Variants in NOS1 observed in about 807,000 individuals in gnomAD.
NOS1 encodes the protein nitric oxide synthase 1.
In NOS1, 51 loss-of-function variants were observed where a neutral mutation model predicts 164.5. That is an observed-to-expected ratio of 0.31 (90% CI 0.25 to 0.39). The LOEUF (loss-of-function observed/expected upper bound fraction) is 0.39. Among genes scored for constraint, NOS1 ranks in the 10% least tolerant of loss-of-function variants. The probability of loss-of-function intolerance (pLI) is 1.00; values close to 1 mark genes in which losing one functional copy is unlikely to be tolerated. For missense variants in NOS1, 1,362 were observed against 1,885.6 expected (o/e 0.72, Z 5.14); for synonymous variants, 719 against 745.8 (o/e 0.96, Z 0.59).
intron 26 of NOS1, 33 bp from the exon 27 acceptor site, chr12:117,220,302 G>A: frequency 6.4e-7 from 1 of 1,566,282 alleles, no homozygotes; most frequent in Non-Finnish European, 8.6e-7. Flanking sequence ...AGAAGGGGCT[G>A]GGCTGTGCAA....
rs1227805436 is a variant in NOS1 at position 117,260,504 on chromosome 12, C to T, written c.2328G>A (p.Lys776=). Residue 776 remains lysine (K), a synonymous_variant, in exon 14 of 29, where the codon AAG becomes AAA. Coordinates refer to ENST00000317775, the MANE Select transcript of NOS1 (RefSeq NM_000620.5). ...CGTGTTTGAAGATCTCACACAAGGT[C>T]TTGGCATAAGCTTGCGATTTGCCTG... ...TETGKSQAYA[K]TLCEIFKHAF... The T allele has an allele frequency of 6.2e-7, 1 of 1,614,038 alleles. No homozygotes were observed. The highest frequency in any genetic ancestry group is 8.5e-7 in the Non-Finnish European group (1 of 1,180,020).
chr12:117,236,545 C>T (rs2135946049), intron 20 of NOS1, among the ~76,000 whole-genome samples: 1 of 152,300 alleles, frequency 6.6e-6, no homozygotes, highest in East Asian at 1.9e-4. Flanking sequence ...CTTGCCCTGT[C>T]TGGGAACTTG....
chr12:117,360,494 A>G (rs1261847370), intron 1 of NOS1, among the ~76,000 whole-genome samples: 3 of 152,216 alleles, frequency 2.0e-5, no homozygotes, highest in Non-Finnish European at 4.4e-5. Context: ...CGGGAGAAGC[A>G]CAACTTTCCC....
chr12:117,314,653 C>G (rs899983362), intron 2 of NOS1, among the ~76,000 whole-genome samples: 1 of 152,142 alleles, frequency 6.6e-6, no homozygotes, highest in Non-Finnish European at 1.5e-5. Context: ...ATCACCCAGG[C>G]GGGAGTGCAG....
intron 3 of NOS1, among the ~76,000 whole-genome samples, chr12:117,297,487 G>A (rs1456367188): frequency 6.6e-6 from 1 of 152,156 alleles, no homozygotes; most frequent in East Asian, 1.9e-4. Flanking sequence ...TGCCTCATGG[G>A]TTCAAATGAT....
chr12:117,298,276 C>T (rs754255882), intron 3 of NOS1, among the ~76,000 whole-genome samples: 21 of 152,034 alleles, frequency 1.4e-4, no homozygotes, highest in African/African-American at 2.7e-4. Flanking sequence ...CAGTAGGGTA[C>T]GAGCTCCTAT....
At chr12:117,258,584 G>T in intron 15 of NOS1, 129 bp from the exon 16 acceptor site, 2 of 882,248 alleles carry the variant, frequency 2.3e-6, no homozygotes, top group East Asian at 2.6e-5. Context: ...TGTCAGGAGC[G>T]GTCAGGGGCT....
At chr12:117,265,869 C>T (rs1164696142) in intron 11 of NOS1, among the ~76,000 whole-genome samples, 2 of 151,938 alleles carry the variant, frequency 1.3e-5, no homozygotes, top group African/African-American at 4.8e-5. Context: ...TGGCTCACTG[C>T]AAGCTCTGCC....
intron 17 of NOS1, among the ~76,000 whole-genome samples, chr12:117,251,402 A>G (rs1198338678): frequency 6.6e-6 from 1 of 152,074 alleles, no homozygotes; most frequent in Non-Finnish European, 1.5e-5. Context: ...CTGAGGACCT[A>G]GACTACAGTT....
chr12:117,255,799 C>T (rs1181530884), intron 16 of NOS1: 2 of 439,256 alleles, frequency 4.6e-6, no homozygotes, highest in East Asian at 3.6e-5. Context: ...CTCAAGGTCA[C>T]TTAGTGAGTT....
intron 17 of NOS1, among the ~76,000 whole-genome samples, chr12:117,250,405 T>C (rs1288921037): frequency 1.3e-5 from 2 of 151,142 alleles, no homozygotes; most frequent in East Asian, 3.9e-4. Context: ...CTTGGCTCAC[T>C]GCAGCCTCTG....
chr12:117,328,785 G>A (rs1875387817), intron 2 of NOS1, among the ~76,000 whole-genome samples: 1 of 152,208 alleles, frequency 6.6e-6, no homozygotes, highest in Non-Finnish European at 1.5e-5. Flanking sequence ...AGACGGTCAT[G>A]CATCGCTTAA....
Position 117,311,495 on chromosome 12 carries a change from GGAC to G in NOS1, c.820_822del (p.Val274del). 6.2e-7 allele frequency: 1 copy of G among 1,611,564 alleles called. No homozygotes were observed. ...TCCTTCTCTGAATATGGGTTGTTGA[GGAC>G]GACAGGCACATTGCCCTTCCCCCAT... On this transcript the variant is annotated inframe_deletion, in exon 3 of 29. Transcript: ENST00000317775.
intron 18 of NOS1, among the ~76,000 whole-genome samples, chr12:117,244,991 A>T (rs1870507994): frequency 6.6e-6 from 1 of 152,168 alleles, no homozygotes; most frequent in African/African-American, 2.4e-5. Context: ...GGCTGATGGA[A>T]ATCAAGCAAC....
At chr12:117,287,927 G>T in intron 5 of NOS1, 147 bp downstream of exon 5, 2 of 762,132 alleles carry the variant, frequency 2.6e-6, no homozygotes, top group Non-Finnish European at 4.2e-6. Flanking sequence ...CTGGGGAACA[G>T]ATGTGACCTA....
At chr12:117,337,400 G>C (rs1875886289) in intron 1 of NOS1, among the ~76,000 whole-genome samples, 1 of 152,132 alleles carries the variant, frequency 6.6e-6, no homozygotes, top group Non-Finnish European at 1.5e-5. Context: ...ACAGGCTTGA[G>C]CCACCGTGCC....
chr12:117,297,849 G>A (rs551642987), intron 3 of NOS1, among the ~76,000 whole-genome samples: 20 of 152,098 alleles, frequency 1.3e-4, no homozygotes, highest in Non-Finnish European at 7.3e-5. Context: ...AGTAGTGGCT[G>A]TCACTGTCAC....
intron 2 of NOS1, among the ~76,000 whole-genome samples, chr12:117,327,336 C>G (rs1875303746): frequency 6.6e-6 from 1 of 152,144 alleles, no homozygotes; most frequent in Admixed American, 6.5e-5. Flanking sequence ...TCGGGAGGGA[C>G]ACTTCCCAAA....
chr12:117,314,754 A>C (rs1874597424), intron 2 of NOS1, among the ~76,000 whole-genome samples: 1 of 152,078 alleles, frequency 6.6e-6, no homozygotes, highest in Admixed American at 6.6e-5. Flanking sequence ...CTACAGGCGC[A>C]CACCACCACG....
Sources: gnomAD v4.1 joint callset for allele counts (sites outside exome capture counted in the v4.1 genomes callset) on GRCh38, gnomAD v4.1.1 for gene constraint, MANE v1.5 for transcripts, NCBI Gene and HGNC (gene_info 2026-07-23, HGNC 2026-07-21) for gene names.